CSMD1: variants seen among roughly 807,000 people sequenced by gnomAD.
The protein encoded by CSMD1 is CUB and Sushi multiple domains 1, also known as CUB and sushi domain-containing protein 1.
Under a neutral mutation model 417.5 loss-of-function variants are expected in CSMD1, and 213 were observed. The observed-to-expected ratio is 0.51, with a 90% CI of 0.46 to 0.57. The LOEUF (loss-of-function observed/expected upper bound fraction) is 0.57, where lower values mean the gene tolerates loss of function less well. Ranked by LOEUF, CSMD1 falls within the 20% of genes least tolerant of loss-of-function variation. The probability of loss-of-function intolerance (pLI) is 0.00; values close to 1 mark genes in which losing one functional copy is unlikely to be tolerated. For missense variants in CSMD1, 6,923 were observed against 4,529.7 expected (o/e 1.53, Z -15.17); for synonymous variants, 2,862 against 1,736.8 (o/e 1.65, Z -16.11).
intron 2 of CSMD1, among the ~76,000 whole-genome samples, chr8:4,472,519 G>A (rs1159519110): frequency 6.6e-6 from 1 of 151,910 alleles, no homozygotes; most frequent in East Asian, 1.9e-4. Context: ...AAAATAAAAG[G>A]AAATACCAAA....
intron 3 of CSMD1, among the ~76,000 whole-genome samples, chr8:4,092,380 G>A (rs758784557): frequency 7.9e-5 from 12 of 152,054 alleles, no homozygotes; most frequent in Non-Finnish European, 1.3e-4. Flanking sequence ...GGGCTGCTGT[G>A]CTCTCCACCG....
At chr8:4,077,297 G>GTGTATATATATA (rs1313094441) in intron 3 of CSMD1, among the ~76,000 whole-genome samples, 1 of 121,290 alleles carries the variant, frequency 8.2e-6, no homozygotes, top group African/African-American at 3.5e-5. Context: ...ATATATATGT[G>GTGTATATATATA]TATATATATA....
Position 3,818,621 on chromosome 8 carries a change from A to G in CSMD1, c.819-64579T>C, listed in dbSNP as rs1801533090. Reference sequence around the variant, plus strand: ...CTAGAAAAGGGAGAAACAGGGTCCCATGGGTCCCCACAGCAAGGGATGCCC... The same window carrying G: ...CTAGAAAAGGGAGAAACAGGGTCCCGTGGGTCCCCACAGCAAGGGATGCCC... On this transcript the variant is annotated intron_variant, in intron 5 of 69. Transcript: ENST00000635120. Among the ~76,000 whole-genome samples the G allele has an allele frequency of 2.6e-5, 4 of 152,166 alleles. No homozygotes were observed. The South Asian group carries it at 8.3e-4, about 32-fold the overall frequency.
chr8:4,052,724 T>A (rs937459483), intron 3 of CSMD1, among the ~76,000 whole-genome samples: 9 of 152,072 alleles, frequency 5.9e-5, no homozygotes, highest in African/African-American at 2.2e-4. Context: ...AATATTTAGC[T>A]CATCACCACA....
chr8:4,031,277 A>G (rs1797330299), intron 4 of CSMD1, among the ~76,000 whole-genome samples: 1 of 152,168 alleles, frequency 6.6e-6, no homozygotes, highest in Non-Finnish European at 1.5e-5. Context: ...GCAATTTACA[A>G]AAGAAAGAAG....
chr8:3,913,072 G>A (rs1808569711), intron 5 of CSMD1, among the ~76,000 whole-genome samples: 1 of 152,160 alleles, frequency 6.6e-6, no homozygotes, highest in Admixed American at 6.5e-5. Context: ...GCAGCACTAG[G>A]AAAGGAGCTT....
At chr8:3,147,709 G>A (rs1456929212) in intron 40 of CSMD1, among the ~76,000 whole-genome samples, 9 of 152,154 alleles carry the variant, frequency 5.9e-5, no homozygotes, top group Non-Finnish European at 4.4e-5. Flanking sequence ...CTCTCTTAGG[G>A]TCTAAGGCAA....
chr8:4,917,743 C>G (rs907947074), intron 1 of CSMD1, among the ~76,000 whole-genome samples: 1 of 152,126 alleles, frequency 6.6e-6, no homozygotes, highest in Non-Finnish European at 1.5e-5. Context: ...ATCCACAAAA[C>G]AAGGATGCCA....
At chr8:3,684,285 T>C (rs1799824635) in intron 7 of CSMD1, among the ~76,000 whole-genome samples, 1 of 144,520 alleles carries the variant, frequency 6.9e-6, no homozygotes, top group Admixed American at 7.2e-5. Context: ...ATATATTATA[T>C]ATAATATATA....
intron 1 of CSMD1, among the ~76,000 whole-genome samples, chr8:4,684,599 C>T (rs76162033): frequency 3.9e-5 from 6 of 152,138 alleles, no homozygotes; most frequent in Non-Finnish European, 5.9e-5. Context: ...GTTAGCCTGT[C>T]TGAACCCTCT....
intron 5 of CSMD1, among the ~76,000 whole-genome samples, chr8:3,879,511 C>G (rs1057349427): frequency 6.6e-6 from 1 of 152,190 alleles, no homozygotes; most frequent in Non-Finnish European, 1.5e-5. Flanking sequence ...ACCGTGAGAG[C>G]AAGGAAGATG....
At chr8:3,884,418 C>G (rs1223462266) in intron 5 of CSMD1, among the ~76,000 whole-genome samples, 1 of 152,104 alleles carries the variant, frequency 6.6e-6, no homozygotes, top group Non-Finnish European at 1.5e-5. Flanking sequence ...AATCTTGTTA[C>G]AAGGGACACA....
chr8:4,860,894 T>A (rs1802091819), intron 1 of CSMD1, among the ~76,000 whole-genome samples: 1 of 152,100 alleles, frequency 6.6e-6, no homozygotes, highest in Admixed American at 6.5e-5. Context: ...GAAACCTTCC[T>A]CTGACTCTAC....
chr8:4,774,253 C>G (rs1214413994), intron 1 of CSMD1, among the ~76,000 whole-genome samples: 2 of 152,038 alleles, frequency 1.3e-5, no homozygotes, highest in Non-Finnish European at 2.9e-5. Flanking sequence ...ACAGCATTTG[C>G]GAATGGGGCA....
At chr8:3,129,500 T>C (rs1168256119) in intron 41 of CSMD1, among the ~76,000 whole-genome samples, 1 of 150,776 alleles carries the variant, frequency 6.6e-6, no homozygotes, top group Non-Finnish European at 1.5e-5. Context: ...CTGGGCCGGG[T>C]TCAGTGGCTC....
chr8:3,629,216 A>G (rs977403909), intron 7 of CSMD1, among the ~76,000 whole-genome samples: 2 of 152,162 alleles, frequency 1.3e-5, no homozygotes, highest in African/African-American at 4.8e-5. Flanking sequence ...CTGAGAAACA[A>G]GAAAATCCAG....
chr8:4,786,562 A>G (rs1045686837), intron 1 of CSMD1, among the ~76,000 whole-genome samples: 2 of 152,174 alleles, frequency 1.3e-5, no homozygotes, highest in Admixed American at 1.3e-4. Flanking sequence ...ATATTTAGAG[A>G]GCATTTAAAA....
intron 7 of CSMD1, among the ~76,000 whole-genome samples, chr8:3,686,416 T>C (rs1004576508): frequency 6.6e-6 from 1 of 152,156 alleles, no homozygotes; most frequent in African/African-American, 2.4e-5. Context: ...GCGTGACTTC[T>C]CTATTTGCTG....
At position 4,637,386 on chromosome 8, in the gene CSMD1, T is replaced by C. The variant is rs755635245; in HGVS notation, c.258A>G (p.Leu86=). The C allele has an allele frequency of 3.6e-5, 58 of 1,613,858 alleles. No homozygotes were observed. Among genetic ancestry groups the C allele is most frequent in the Non-Finnish European group, 2.4e-5 (28 of 1,179,880 alleles). The change falls in exon 2 of 70, where the codon TTA becomes TTG. Residue 86 remains leucine (L), a synonymous_variant. Coordinates refer to ENST00000635120, the MANE Select transcript of CSMD1 (RefSeq NM_033225.6). ...TFALEEDFDI[L]SVYDGQPQQG... ...GTTGAGGCTGTCCATCGTAAACTGA[T>C]AAAATATCAAAATCTTCTTCAAGAG...
Sources: gnomAD v4.1 joint callset for allele counts (sites outside exome capture counted in the v4.1 genomes callset) on GRCh38, gnomAD v4.1.1 for gene constraint, MANE v1.5 for transcripts, NCBI Gene and HGNC (gene_info 2026-07-23, HGNC 2026-07-21) for gene names.